Variants in WDR33 observed in about 807,000 individuals in gnomAD.
WDR33 encodes WD repeat domain 33.
Under a neutral mutation model 164.9 loss-of-function variants are expected in WDR33, and 47 were observed. The observed-to-expected ratio is 0.29, with a 90% CI of 0.23 to 0.36. The LOEUF is 0.36. Ranked by LOEUF, WDR33 falls within the 10% of genes least tolerant of loss-of-function variation. The pLI is 1.00. For missense variants in WDR33, 1,137 were observed against 1,754.1 expected (o/e 0.65, Z 6.28); for synonymous variants, 505 against 589.0 (o/e 0.86, Z 2.06).
Position 127,721,517 on chromosome 2 carries a change from G to A in WDR33, c.1671+319C>T, listed in dbSNP as rs1686438000. ...GTCTCTGCCACTCAAGAGGCTTAAT[G>A]TGGGAAGATCACTTGAGCCTGGGAG... On this transcript the variant is annotated intron_variant, in intron 15 of 21. Coordinates refer to ENST00000322313, the MANE Select transcript of WDR33 (RefSeq NM_018383.5). The surrounding 1 kb of genome is among the most constrained non-coding windows in gnomAD (Gnocchi z 4.9). 6.6e-6 allele frequency among the ~76,000 whole-genome samples: 1 copy of A among 152,212 alleles called. No individual in the cohort carries two copies. The highest frequency in any genetic ancestry group is 6.5e-5 in the Admixed American group (1 of 15,290).
chr2:127,713,466 G>C lies in WDR33; in HGVS notation c.3308+117C>G. The C allele has an allele frequency of 8.5e-7, 1 of 1,181,944 alleles. No individual in the cohort carries two copies. The highest frequency in any genetic ancestry group is 1.2e-6 in the Non-Finnish European group (1 of 827,822). The allele number at this position is 1,181,944 out of a possible 1,614,324, so 73.2% of individuals were successfully genotyped here. On this transcript the variant is annotated intron_variant, in intron 18 of 21. Transcript: ENST00000322313. This position sits in a 1 kb window ranked among gnomAD's most constrained non-coding sequence, Gnocchi z 6.2. ...CAAATGCAAACTCTACAGAGTGCAGGGCTGGTAATTGATATAATTCTCTTT... is the reference window on the plus strand; with the variant it reads ...CAAATGCAAACTCTACAGAGTGCAGCGCTGGTAATTGATATAATTCTCTTT...
At chr2:127,769,189 A>G (rs1573934514) in intron 2 of WDR33, among the ~76,000 whole-genome samples, 188 bp from the exon 3 acceptor site, 1 of 152,186 alleles carries the variant, frequency 6.6e-6, no homozygotes, top group South Asian at 2.1e-4. Flanking sequence ...TGATCCTACT[A>G]ACATTGCTTA....
intron 17 of WDR33, among the ~76,000 whole-genome samples, chr2:127,715,088 C>CTTTTTTTTTTTTTTTTTTTTTTTTT (rs386391178): frequency 3.7e-5 from 4 of 108,578 alleles, no homozygotes; most frequent in Non-Finnish European, 7.3e-5. Context: ...TTCTTTGTTT[C>CTTTTTTTTTTTTTTTTTTTTTTTTT]TTTTTTTTTT....
At chr2:127,754,421 T>C (rs1033765784) in intron 7 of WDR33, among the ~76,000 whole-genome samples, 5 of 152,046 alleles carry the variant, frequency 3.3e-5, no homozygotes, top group African/African-American at 7.2e-5. Flanking sequence ...CGTTCTCTTT[T>C]CTTTTATGGG....
chr2:127,753,999 T>C (rs1036328861), intron 7 of WDR33, among the ~76,000 whole-genome samples: 1 of 152,216 alleles, frequency 6.6e-6, no homozygotes, highest in Non-Finnish European at 1.5e-5. Context: ...CTAGAGGTAG[T>C]TAGGCAAGTG....
At chr2:127,794,208 A>C (rs748950397) in intron 1 of WDR33, among the ~76,000 whole-genome samples, 4 of 142,420 alleles carry the variant, frequency 2.8e-5, no homozygotes, top group Admixed American at 6.9e-5. Flanking sequence ...AGCAAGCAAG[A>C]AAGAAAGCCG....
rs151233616 is a variant in WDR33, at chr2:127,800,795, A to C, written c.-24+10217T>G. The stretch of plus-strand genomic sequence containing the variant: ...AATTTAAATCTATTCCTGTATATGA[A>C]ACTGAAACTTTATTAAAGCTATTTA... On this transcript the variant is annotated intron_variant, in intron 1 of 21. Transcript: ENST00000322313. Among the ~76,000 whole-genome samples, 620 of 152,322 alleles carry C rather than the reference A, an allele frequency of 4.1e-3. 1 individual carries two copies. The highest frequency in any genetic ancestry group is 0.014 in the African/African-American group (588 of 41,570).
chr2:127,714,604 G>A lies in WDR33; in HGVS notation c.2870-583C>T, dbSNP rs1686255338. 6.6e-6 allele frequency among the ~76,000 whole-genome samples: 1 copy of A among 152,068 alleles called. No individual in the cohort carries two copies. The highest frequency in any genetic ancestry group is 6.6e-5 in the Admixed American group (1 of 15,264). ...CAGCCCTGCTGGGCTTCAGTGTCGG[G>A]GTTTTCTGCACCTCTCTATGGATGT... On this transcript the variant is annotated intron_variant, in intron 17 of 21. Coordinates refer to ENST00000322313, the MANE Select transcript of WDR33 (RefSeq NM_018383.5). The surrounding 1 kb of genome is among the most constrained non-coding windows in gnomAD (Gnocchi z 4.3).
intron 1 of WDR33, among the ~76,000 whole-genome samples, chr2:127,806,905 TA>T (rs1476626128): frequency 3.3e-5 from 5 of 152,214 alleles, no homozygotes; most frequent in South Asian, 2.1e-4. Context: ...AAAGGGAGGA[TA>T]TAGAGTTAAA....
chr2:127,718,017 T>A lies in WDR33; in HGVS notation c.2761-754A>T, dbSNP rs986691841. On this transcript the variant is annotated intron_variant, in intron 16 of 21. Coordinates refer to ENST00000322313, the MANE Select transcript of WDR33 (RefSeq NM_018383.5). This position sits in a 1 kb window ranked among gnomAD's most constrained non-coding sequence, Gnocchi z 4.4. ...TTAATAAAATATATAATACTTCAAGTTTTAGGGCAATTTAGAATGGCAATC... is the reference window on the plus strand; with the variant it reads ...TTAATAAAATATATAATACTTCAAGATTTAGGGCAATTTAGAATGGCAATC... Among the ~76,000 whole-genome samples the A allele has an allele frequency of 6.6e-6, 1 of 152,038 alleles. No homozygotes were observed. Among genetic ancestry groups the A allele is most frequent in the Non-Finnish European group, 1.5e-5 (1 of 68,022 alleles).
In WDR33 at chr2:127,735,959, G is replaced by T; in HGVS notation, c.725-9182C>A. 1.0e-6 allele frequency: 1 copy of T among 985,452 alleles called. No homozygotes were observed. The allele number at this position is 985,452 out of a possible 1,614,324, so 61.0% of individuals were successfully genotyped here. A position where few individuals can be genotyped will look rare whatever the true frequency, so the allele number is the denominator to read the frequency against. On this transcript the variant is annotated intron_variant, in intron 7 of 21. Transcript: ENST00000322313. This position sits in a 1 kb window ranked among gnomAD's most constrained non-coding sequence, Gnocchi z 4.3. ...ATGGAAAGTTAATTCTGGAAAGGGGGTATGCCTAGGCAGGGCAGTGTTTTC... is the reference window on the plus strand; with the variant it reads ...ATGGAAAGTTAATTCTGGAAAGGGGTTATGCCTAGGCAGGGCAGTGTTTTC...
chr2:127,790,474 T>C (rs969229933), intron 1 of WDR33, among the ~76,000 whole-genome samples: 1 of 152,236 alleles, frequency 6.6e-6, no homozygotes, highest in African/African-American at 2.4e-5. Context: ...TGCCTTCTAA[T>C]ATTTCCTGGA....
intron 7 of WDR33, chr2:127,737,005 G>A: frequency 1.0e-6 from 1 of 985,200 alleles, no homozygotes; most frequent in Admixed American, 6.1e-5. Context: ...ACTGCCTGAG[G>A]GTGTATAAAA....
intron 7 of WDR33, among the ~76,000 whole-genome samples, chr2:127,755,610 G>A (rs1258130490): frequency 5.9e-5 from 9 of 152,338 alleles, no homozygotes; most frequent in Non-Finnish European, 5.9e-5. Flanking sequence ...GCATGTGTGC[G>A]TACCTGTGGT....
chr2:127,766,303 A>G (rs1687818771), intron 4 of WDR33, among the ~76,000 whole-genome samples: 1 of 152,246 alleles, frequency 6.6e-6, no homozygotes. Flanking sequence ...GTGCTTATAG[A>G]AACAGTAAGG....
chr2:127,750,678 ATAT>A (rs1365740707), intron 7 of WDR33, among the ~76,000 whole-genome samples: 30 of 27,548 alleles, frequency 1.1e-3, no homozygotes, highest in African/African-American at 5.2e-3. Context: ...AAAAAAAAAA[ATAT>A]ATATATATAT....
rs61568967 is a variant in WDR33, at chr2:127,798,367, CAAAAAAA to C, written c.-24+12638_-24+12644del. 9.8e-3 allele frequency among the ~76,000 whole-genome samples: 189 copies of C among 19,256 alleles called. 1 individual carries two copies. The highest frequency in any genetic ancestry group is 0.013 in the African/African-American group (65 of 4,868). 12.6% of individuals were successfully genotyped at this position (19,256 alleles called of 152,430 possible). A position where few individuals can be genotyped will look rare whatever the true frequency, so the allele number is the denominator to read the frequency against. ...TAGGCAACAGGGCGAGACACCGTCG[CAAAAAAA>C]AAAAAAAAAAAAAAAAAAAAATGAA... On this transcript the variant is annotated intron_variant, in intron 1 of 21. Coordinates refer to ENST00000322313, the MANE Select transcript of WDR33 (RefSeq NM_018383.5).
chr2:127,790,554 CAA>C (rs1688807677), intron 1 of WDR33, among the ~76,000 whole-genome samples: 1 of 152,192 alleles, frequency 6.6e-6, no homozygotes, highest in African/African-American at 2.4e-5. Flanking sequence ...ATCTCAACCT[CAA>C]CTTTCCTTTG....
intron 1 of WDR33, among the ~76,000 whole-genome samples, chr2:127,808,818 C>G (rs1689526969): frequency 2.0e-5 from 3 of 152,246 alleles, no homozygotes; most frequent in Non-Finnish European, 4.4e-5. Flanking sequence ...ATCACGAGGT[C>G]AGGAGATCGA....
Sources: allele counts gnomAD v4.1 joint callset (sites outside exome capture counted in the v4.1 genomes callset), GRCh38; gene constraint gnomAD v4.1.1; non-coding constraint Gnocchi (gnomAD v3.1); transcripts MANE v1.5; gene names NCBI Gene and HGNC (gene_info 2026-07-23, HGNC 2026-07-21).